Variants in AGBL1 observed in about 807,000 individuals in gnomAD.
The protein encoded by AGBL1 is cytosolic carboxypeptidase 4.
AGBL1 carries 130 observed loss-of-function variants against 118.9 expected under a neutral mutation model. The observed-to-expected ratio is 1.09, with a 90% CI of 0.95 to 1.26. AGBL1 has a LOEUF of 1.26. Among genes scored for constraint, AGBL1 ranks in the 50% most tolerant of loss-of-function variants. AGBL1 has a pLI of 0.00. For missense variants in AGBL1, 1,584 were observed against 1,298.1 expected (o/e 1.22, Z -3.38); for synonymous variants, 555 against 478.9 (o/e 1.16, Z -2.08).
At chr15:86,625,295 A>ATTTGGT (rs2084866237) in intron 21 of AGBL1, among the ~76,000 whole-genome samples, 1 of 141,382 alleles carries the variant, frequency 7.1e-6, no homozygotes, top group Non-Finnish European at 1.5e-5. Flanking sequence ...GCCATGTCTT[A>ATTTGGT]TTTGGTTAGA....
chr15:86,595,259 A>G (rs2084389622), intron 21 of AGBL1, among the ~76,000 whole-genome samples: 1 of 152,092 alleles, frequency 6.6e-6, no homozygotes, highest in South Asian at 2.1e-4. Flanking sequence ...TCCAGCTTGG[A>G]TCTTTTTTTC....
downstream of AGBL1, among the ~76,000 whole-genome samples, chr15:86,920,124 C>T (rs1248887967): frequency 6.6e-6 from 1 of 152,186 alleles, no homozygotes; most frequent in African/African-American, 2.4e-5. Context: ...GAAACCCAAG[C>T]GTCAGTCAGC....
intron 22 of AGBL1, among the ~76,000 whole-genome samples, chr15:86,825,875 TG>T (rs2079004008): frequency 7.1e-6 from 1 of 140,812 alleles, no homozygotes; most frequent in Non-Finnish European, 1.5e-5. Flanking sequence ...ATGTGACAGA[TG>T]ATAGATGGAT....
At chr15:86,124,343 AAAAAC>A (rs1159284850) in intron 1 of AGBL1, among the ~76,000 whole-genome samples, 2 of 151,374 alleles carry the variant, frequency 1.3e-5, no homozygotes. Context: ...AAAAAAAAAA[AAAAAC>A]AAAGAAAACC....
At chr15:87,017,507 T>C (rs1015841139) in intron 24 of AGBL1, among the ~76,000 whole-genome samples, 7 of 152,104 alleles carry the variant, frequency 4.6e-5, no homozygotes, top group African/African-American at 1.7e-4. Flanking sequence ...CCAAGGCAAC[T>C]AGGGTCCATA....
chr15:86,238,112 A>G (rs2078583029), intron 6 of AGBL1, among the ~76,000 whole-genome samples: 1 of 151,716 alleles, frequency 6.6e-6, no homozygotes, highest in South Asian at 2.1e-4. Flanking sequence ...CAGCCACCCT[A>G]CCTCATCACT....
chr15:86,841,772 G>C (rs959627728), intron 22 of AGBL1, among the ~76,000 whole-genome samples: 2 of 152,164 alleles, frequency 1.3e-5, no homozygotes, highest in African/African-American at 4.8e-5. Context: ...GCTTGAACCA[G>C]AGAGGCGGAG....
chr15:86,754,376 G>T (rs1392156093), intron 22 of AGBL1, among the ~76,000 whole-genome samples: 1 of 152,052 alleles, frequency 6.6e-6, no homozygotes, highest in Non-Finnish European at 1.5e-5. Flanking sequence ...AGGAATTTAA[G>T]CAACAATCAA....
intron 24 of AGBL1, among the ~76,000 whole-genome samples, chr15:87,022,708 G>T (rs1232345678): frequency 5.3e-5 from 8 of 152,032 alleles, no homozygotes; most frequent in Non-Finnish European, 1.2e-4. Context: ...TGAGACAAAA[G>T]TACCAGGTAA....
chr15:86,462,381 T>G (rs1480285756), intron 18 of AGBL1, among the ~76,000 whole-genome samples: 4 of 152,140 alleles, frequency 2.6e-5, no homozygotes, highest in African/African-American at 9.7e-5. Context: ...TGACTCCTGC[T>G]GGGAGACTTC....
At chr15:86,247,588 T>C in intron 6 of AGBL1, 83 bp from the exon 7 acceptor site, 2 of 1,328,838 alleles carry the variant, frequency 1.5e-6, no homozygotes, top group South Asian at 1.3e-5. Flanking sequence ...ATAAGTATCT[T>C]GTGGGAAATA....
chr15:86,170,476 A>G (rs755117743), intron 5 of AGBL1, among the ~76,000 whole-genome samples: 2 of 152,116 alleles, frequency 1.3e-5, no homozygotes, highest in Non-Finnish European at 2.9e-5. Flanking sequence ...AGATACAATA[A>G]AAATGATAGG....
chr15:86,621,188 A>T (rs1283179291), intron 21 of AGBL1, among the ~76,000 whole-genome samples: 2 of 152,116 alleles, frequency 1.3e-5, no homozygotes, highest in East Asian at 3.9e-4. Context: ...CATCTTCCTT[A>T]ATTGTTATAA....
At chr15:86,834,844 G>A (rs1349415485) in intron 22 of AGBL1, among the ~76,000 whole-genome samples, 1 of 152,156 alleles carries the variant, frequency 6.6e-6, no homozygotes, top group African/African-American at 2.4e-5. Context: ...ACAAGCCAGA[G>A]GTGTGGGGAA....
rs576905771 is a variant in AGBL1 at position 86,534,524 on chromosome 15, C to T, written c.2686-11478C>T. Among the ~76,000 whole-genome samples, 36 of 152,312 alleles carry T rather than the reference C, an allele frequency of 2.4e-4. 1 individual carries two copies. Among genetic ancestry groups the T allele is most frequent in the East Asian group, 1.7e-3 (9 of 5,186 alleles). On this transcript the variant is annotated intron_variant, in intron 19 of 22. Coordinates refer to ENST00000614907, the MANE Select transcript of AGBL1 (RefSeq NM_001386094.1). ...AAGAAGCTTCTCATTTGATGGGTCG[C>T]AGAGATTCATTTGATATCACACAGA...
At chr15:86,577,356 C>T (rs543176510) in intron 21 of AGBL1, among the ~76,000 whole-genome samples, 1 of 152,170 alleles carries the variant, frequency 6.6e-6, no homozygotes, top group East Asian at 1.9e-4. Flanking sequence ...GAAGAAATTT[C>T]CAAGCAGCAA....
intron 17 of AGBL1, among the ~76,000 whole-genome samples, chr15:86,357,288 T>G (rs2080736472): frequency 6.6e-6 from 1 of 152,182 alleles, no homozygotes; most frequent in African/African-American, 2.4e-5. Flanking sequence ...TAAAATGGAA[T>G]TAGCTAATTT....
At chr15:86,466,073 C>G (rs2082402312) in intron 18 of AGBL1, among the ~76,000 whole-genome samples, 1 of 152,192 alleles carries the variant, frequency 6.6e-6, no homozygotes, top group Non-Finnish European at 1.5e-5. Flanking sequence ...CTCTTTATTT[C>G]TCAGACCGGC....
intron 17 of AGBL1, among the ~76,000 whole-genome samples, chr15:86,394,293 A>T (rs555015043): frequency 1.3e-4 from 20 of 152,282 alleles, no homozygotes; most frequent in Middle Eastern, 3.4e-3. Flanking sequence ...TTTATAAAGC[A>T]CAGCCTTTGG....
Sources: gnomAD v4.1 joint callset for allele counts (sites outside exome capture counted in the v4.1 genomes callset) on GRCh38, gnomAD v4.1.1 for gene constraint, MANE v1.5 for transcripts, NCBI Gene and HGNC (gene_info 2026-07-23, HGNC 2026-07-21) for gene names.